Variants in ERN1 observed in about 807,000 individuals in gnomAD.
ERN1 encodes the protein serine/threonine-protein kinase/endoribonuclease IRE1.
ERN1 carries 39 observed loss-of-function variants against 113.1 expected under a neutral mutation model. That is an observed-to-expected ratio of 0.34 (90% confidence interval 0.27 to 0.45). The LOEUF (loss-of-function observed/expected upper bound fraction) is 0.45. Ranked by LOEUF, ERN1 falls within the 20% of genes least tolerant of loss-of-function variation. The pLI is 1.00. For missense variants in ERN1, 976 were observed against 1,274.8 expected, an observed-to-expected ratio of 0.77 and a Z score of 3.57; for synonymous variants, 507 against 515.9, an observed-to-expected ratio of 0.98 and a Z score of 0.23.
intron 5 of ERN1, 150 bp from the exon 6 acceptor site, chr17:64,072,253 G>C: frequency 1.2e-6 from 1 of 803,722 alleles, no homozygotes; most frequent in Non-Finnish European, 1.9e-6. Context: ...TGGTAATGCA[G>C]AGATAATAAA....
intron 1 of ERN1, among the ~76,000 whole-genome samples, chr17:64,124,798 A>G (rs1185342846): frequency 6.6e-6 from 1 of 152,256 alleles, no homozygotes; most frequent in African/African-American, 2.4e-5. Flanking sequence ...AAAAAGGAAC[A>G]AAGTACTGAC....
At chr17:64,120,776 C>G (rs1176564965) in intron 1 of ERN1, among the ~76,000 whole-genome samples, 1 of 152,176 alleles carries the variant, frequency 6.6e-6, no homozygotes, top group Admixed American at 6.5e-5. Flanking sequence ...GAAAGCTCCT[C>G]TAGTTCTGTA....
chr17:64,053,121 C>T (rs1351007044), intron 16 of ERN1, 142 bp from the exon 17 acceptor site: 4 of 922,832 alleles, frequency 4.3e-6, no homozygotes, highest in South Asian at 1.7e-5. Context: ...TCGGATTCCT[C>T]CTCAAATTCT....
rs573817773 is a variant in ERN1, at chr17:64,099,380, G to A, written c.55-1139C>T. Among the ~76,000 whole-genome samples the A allele has an allele frequency of 7.9e-5, 12 of 152,018 alleles. 1 individual carries two copies. The highest frequency in any genetic ancestry group is 2.2e-4 in the African/African-American group (9 of 41,426). On this transcript the variant is annotated intron_variant, in intron 1 of 21. Coordinates refer to ENST00000433197, the MANE Select transcript of ERN1 (RefSeq NM_001433.5). ...TGTGTGCGCACATGTACACACGGAC[G>A]CATATGCAGGTGACAGCTGGTAAGG...
intron 11 of ERN1, 115 bp from the exon 12 acceptor site, chr17:64,058,108 T>A: frequency 1.2e-6 from 1 of 800,520 alleles, no homozygotes; most frequent in Admixed American, 3.4e-5. Context: ...CTGCAGGGGG[T>A]TTTATTTGTT....
rs142212892 is a variant in ERN1 at position 64,043,996 on chromosome 17, C to A, written c.2926G>T (p.Ala976Ser). The change falls in exon 22 of 22, where the codon GCC becomes TCC. Residue 976 changes from alanine (A) to serine (S), a missense_variant. Transcript: ENST00000433197. ...PEPQPPVTPD[A>S]L ...AGAGGGGCCGCCCTCGCTCAGAGGG[C>A]GTCTGGAGTCACTGGGGGCTGGGGC... The A allele has an allele frequency of 1.2e-6, 2 of 1,608,612 alleles. No homozygotes were observed. The highest frequency in any genetic ancestry group is 4.5e-5 in the East Asian group (2 of 44,776).
At chr17:64,117,770 C>G (rs1212793314) in intron 1 of ERN1, among the ~76,000 whole-genome samples, 1 of 152,166 alleles carries the variant, frequency 6.6e-6, no homozygotes, top group Non-Finnish European at 1.5e-5. Context: ...TGGCAACTTA[C>G]GAGGCCTCCA....
chr17:64,107,876 T>A (rs990147928), intron 1 of ERN1, among the ~76,000 whole-genome samples: 1 of 152,230 alleles, frequency 6.6e-6, no homozygotes, highest in African/African-American at 2.4e-5. Context: ...CAAATTCTGT[T>A]ATACTTCGTT....
In ERN1 at chr17:64,075,137, T is replaced by C. The variant is rs1217618077; in HGVS notation, c.355+38A>G. 10 of 1,493,750 alleles carry C rather than the reference T, an allele frequency of 6.7e-6. No homozygotes were observed. The South Asian group carries it at 8.5e-5, about 13-fold the overall frequency. The allele number at this position is 1,493,750 out of a possible 1,614,324, so 92.5% of individuals were successfully genotyped here. On this transcript the variant is annotated intron_variant, in intron 5 of 21. Transcript: ENST00000433197. The stretch of plus-strand genomic sequence containing the variant: ...ACTTTCCCAGATTCCGGGACTTACA[T>C]CAAAGAGACACAAGTTTCTGGAGAC...
At chr17:64,056,370 G>A (rs1364380365) in intron 12 of ERN1, among the ~76,000 whole-genome samples, 3 of 152,240 alleles carry the variant, frequency 2.0e-5, no homozygotes, top group East Asian at 1.9e-4. Context: ...GCCACCCACC[G>A]TGTCTGTGTG....
chr17:64,090,618 C>T (rs139878592), intron 2 of ERN1, among the ~76,000 whole-genome samples: 230 of 152,314 alleles, frequency 1.5e-3, no homozygotes, highest in African/African-American at 5.4e-3. Flanking sequence ...TGTACTTCAA[C>T]AATCACAACC....
At chr17:64,106,542 C>A (rs1223704422) in intron 1 of ERN1, among the ~76,000 whole-genome samples, 1 of 152,126 alleles carries the variant, frequency 6.6e-6, no homozygotes, top group African/African-American at 2.4e-5. Flanking sequence ...GTGAGGGGTG[C>A]TGTCTAGATG....
chr17:64,071,642 G>A (rs1439505029), intron 6 of ERN1, among the ~76,000 whole-genome samples: 1 of 152,036 alleles, frequency 6.6e-6, no homozygotes, highest in Non-Finnish European at 1.5e-5. Context: ...GGCTGGTCTC[G>A]AACTCCTGAC....
intron 19 of ERN1, 68 bp from the exon 20 acceptor site, chr17:64,045,550 C>T: frequency 6.2e-7 from 1 of 1,603,140 alleles, no homozygotes; most frequent in Non-Finnish European, 8.5e-7. Flanking sequence ...GCGACTGGGA[C>T]TCAGTAACAG....
At chr17:64,079,774 C>T (rs1318750075) in intron 3 of ERN1, 40 bp from the exon 4 acceptor site, 1 of 1,538,238 alleles carries the variant, frequency 6.5e-7, no homozygotes, top group Non-Finnish European at 8.9e-7. Flanking sequence ...AAATTACAGC[C>T]CAGGGCATGG....
In ERN1 at chr17:64,044,101, G is replaced by T. The variant is rs1567858866; in HGVS notation, c.2821C>A (p.Leu941Ile). 6.2e-7 allele frequency: 1 copy of T among 1,613,036 alleles called. No individual in the cohort carries two copies. ...CYFTSRFPHL[L>I]AHTYRAMELC... ...TCCATGGCCCGGTAGGTGTGTGCGA[G>T]GAGGTGGGGGAAGCGAGATGTGAAG... Residue 941 changes from leucine (L) to isoleucine (I), a missense_variant, in exon 22 of 22, where the codon CTC becomes ATC. Around this residue, in one of 5 missense-constraint regions of ERN1, gnomAD observed 92 missense variants for 87.3 expected, o/e 1.05. Coordinates refer to ENST00000433197, the MANE Select transcript of ERN1 (RefSeq NM_001433.5). This position sits in a 1 kb window ranked among gnomAD's most constrained non-coding sequence, Gnocchi z 4.1.
chr17:64,128,327 T>A (rs1387238011), intron 1 of ERN1, among the ~76,000 whole-genome samples: 4 of 152,148 alleles, frequency 2.6e-5, no homozygotes, highest in Non-Finnish European at 5.9e-5. Flanking sequence ...TTCACCTAAA[T>A]ATAGTTACGC....
At chr17:64,082,078 G>T (rs544391320) in intron 2 of ERN1, among the ~76,000 whole-genome samples, 14 of 152,242 alleles carry the variant, frequency 9.2e-5, no homozygotes, top group African/African-American at 3.4e-4. Flanking sequence ...GGTGACAGAC[G>T]GCTGTCCAAT....
chr17:64,047,578 T>C (rs1292608292), intron 19 of ERN1, among the ~76,000 whole-genome samples: 1 of 152,142 alleles, frequency 6.6e-6, no homozygotes, highest in Admixed American at 6.5e-5. Context: ...TTATGGCACA[T>C]CCATATGATA....
Sources: allele counts gnomAD v4.1 joint callset (sites outside exome capture counted in the v4.1 genomes callset), GRCh38; gene constraint gnomAD v4.1.1; regional missense constraint gnomAD v4.1.1; non-coding constraint Gnocchi (gnomAD v3.1); transcripts MANE v1.5; gene names NCBI Gene and HGNC (gene_info 2026-07-23, HGNC 2026-07-21).